The following PLB1 variants were observed in gnomAD, a reference collection of about 807,000 sequenced individuals.
PLB1 encodes phospholipase B1, membrane-associated.
A neutral mutation model predicts 227.4 loss-of-function variants in PLB1; 242 were observed. That is an observed-to-expected ratio of 1.06 (90% CI 0.96 to 1.18). The LOEUF (loss-of-function observed/expected upper bound fraction) is 1.18. Among genes scored for constraint, PLB1 ranks in the 50% most tolerant of loss-of-function variants. PLB1 has a pLI of 0.00. For synonymous variants in PLB1, 757 were observed against 682.2 expected (o/e 1.11, Z -1.71); for missense variants, 1,858 against 1,816.3 (o/e 1.02, Z -0.42).
chr2:28,620,374 T>C, intron 47 of PLB1, 42 bp downstream of exon 47: 2 of 1,531,410 alleles, frequency 1.3e-6, no homozygotes, highest in Non-Finnish European at 1.8e-6. Flanking sequence ...TGATGCTCTC[T>C]CAGAGAGGTG....
intron 20 of PLB1, among the ~76,000 whole-genome samples, chr2:28,569,503 G>T (rs1008765621): frequency 1.4e-4 from 21 of 151,968 alleles, no homozygotes; most frequent in African/African-American, 4.6e-4. Flanking sequence ...CAAAAGGGAG[G>T]GGAAATGAAA....
intron 44 of PLB1, among the ~76,000 whole-genome samples, chr2:28,614,969 G>GCATGGT (rs10636752): frequency 0.13 from 19,306 of 152,070 alleles, 1,452 homozygotes; most frequent in African/African-American, 0.21. Flanking sequence ...ACATGGCTAG[G>GCATGGT]CATGGTCATT....
chr2:28,543,131 G>A lies in PLB1; in HGVS notation c.880-81G>A. Reference sequence around the variant, plus strand: ...ATCAGGCTGCCCCAACTCTATGCCAGAGAGAGCTTCAAAGTGTGTAGCAGG... The same window carrying A: ...ATCAGGCTGCCCCAACTCTATGCCAAAGAGAGCTTCAAAGTGTGTAGCAGG... On this transcript the variant is annotated intron_variant, in intron 13 of 57. Coordinates refer to ENST00000327757, the MANE Select transcript of PLB1 (RefSeq NM_153021.5). 5 of 1,455,592 alleles carry A rather than the reference G, an allele frequency of 3.4e-6. No homozygotes were observed. In the Admixed American group the frequency reaches 9.9e-5, roughly 29 times the overall value. The allele number at this position is 1,455,592 out of a possible 1,614,324, so 90.2% of individuals were successfully genotyped here. A position where few individuals can be genotyped will look rare whatever the true frequency, so the allele number is the denominator to read the frequency against.
intron 22 of PLB1, among the ~76,000 whole-genome samples, chr2:28,578,976 T>C (rs1048971306): frequency 3.9e-5 from 6 of 152,140 alleles, no homozygotes; most frequent in African/African-American, 9.7e-5. Context: ...GGCCATAGTT[T>C]ATGGAATGTG....
At chr2:28,548,400 A>G (rs1673631148) in intron 14 of PLB1, 2 of 318,138 alleles carry the variant, frequency 6.3e-6, no homozygotes, top group Admixed American at 7.3e-5. Context: ...CAAGGAGGGG[A>G]CAAGAAGCCA....
intron 16 of PLB1, among the ~76,000 whole-genome samples, chr2:28,551,997 G>A (rs1278072524): frequency 1.3e-5 from 2 of 152,150 alleles, no homozygotes; most frequent in African/African-American, 4.8e-5. Context: ...GTGGATGGAT[G>A]GATACCAGGT....
At chr2:28,637,299 TAA>T (rs34972015) in intron 56 of PLB1, among the ~76,000 whole-genome samples, 19 of 131,132 alleles carry the variant, frequency 1.4e-4, no homozygotes, top group East Asian at 2.2e-4. Flanking sequence ...GTCTCAAATT[TAA>T]AAAAAAAAAA....
At chr2:28,615,999 C>T (rs1686149314) in intron 44 of PLB1, among the ~76,000 whole-genome samples, 1 of 152,204 alleles carries the variant, frequency 6.6e-6, no homozygotes, top group South Asian at 2.1e-4. Flanking sequence ...TACATGTTCT[C>T]ACCATATGCG....
intron 33 of PLB1, among the ~76,000 whole-genome samples, chr2:28,597,720 T>C (rs1196028031): frequency 1.3e-5 from 2 of 152,248 alleles, no homozygotes; most frequent in African/African-American, 4.8e-5. Flanking sequence ...TCACAGAATC[T>C]AGTGCATGTC....
intron 4 of PLB1, among the ~76,000 whole-genome samples, chr2:28,521,274 C>T (rs1669498877): frequency 6.6e-6 from 1 of 152,220 alleles, no homozygotes; most frequent in Non-Finnish European, 1.5e-5. Context: ...GCTTTCATTT[C>T]TTTTGGATAT....
chr2:28,548,712 C>T (rs72789777), intron 14 of PLB1, 148 bp from the exon 15 acceptor site: 179,307 of 737,306 alleles, frequency 0.24, 22,934 homozygotes, highest in Middle Eastern at 0.29. Flanking sequence ...GTCTCAGACT[C>T]AGTAGTTTGG....
chr2:28,593,196 C>A (rs1377431664), intron 32 of PLB1, among the ~76,000 whole-genome samples: 2 of 152,122 alleles, frequency 1.3e-5, no homozygotes, highest in Non-Finnish European at 2.9e-5. Flanking sequence ...CATCACTTTC[C>A]AGGAGCATGT....
intron 1 of PLB1, among the ~76,000 whole-genome samples, chr2:28,499,613 T>A (rs753465442): frequency 1.4e-4 from 21 of 151,670 alleles, no homozygotes; most frequent in Non-Finnish European, 2.4e-4. Context: ...AAGCTGGACG[T>A]GGTGGCTCAC....
intron 32 of PLB1, among the ~76,000 whole-genome samples, chr2:28,593,292 G>A (rs981777761): frequency 7.2e-5 from 11 of 152,174 alleles, no homozygotes; most frequent in South Asian, 2.1e-4. Flanking sequence ...CACTGCAGTC[G>A]CTTAAGCCAA....
At chr2:28,542,665 T>G (rs1278224317) in intron 13 of PLB1, among the ~76,000 whole-genome samples, 1 of 152,144 alleles carries the variant, frequency 6.6e-6, no homozygotes, top group Admixed American at 6.5e-5. Context: ...GGAATCTCAG[T>G]TGCCCTTGCC....
chr2:28,525,975 A>G, intron 6 of PLB1, 30 bp downstream of exon 6: 2 of 1,613,670 alleles, frequency 1.2e-6, no homozygotes, highest in Non-Finnish European at 1.7e-6. Flanking sequence ...GCCAGATTTC[A>G]GAGTGCCCCT....
At chr2:28,579,039 C>T (rs1679475419) in intron 22 of PLB1, among the ~76,000 whole-genome samples, 1 of 152,186 alleles carries the variant, frequency 6.6e-6, no homozygotes, top group South Asian at 2.1e-4. Flanking sequence ...TTTTCCAGGT[C>T]CTCTTTGGAG....
At position 28,628,676 on chromosome 2, in the gene PLB1, G is replaced by C. The variant is rs755794162; in HGVS notation, c.3726+48G>C. ...CTGGGTCCCGCCAGCCACCTCCCTG[G>C]GATGCATGTAGGCAGGCTGTGTTCA... is the stretch of plus-strand genomic sequence containing the variant. On this transcript the variant is annotated intron_variant, in intron 52 of 57. Coordinates refer to ENST00000327757, the MANE Select transcript of PLB1 (RefSeq NM_153021.5). 15 of 1,568,048 alleles carry C rather than the reference G, an allele frequency of 9.6e-6. No individual in the cohort carries two copies. The East Asian group carries it at 3.1e-4, about 33-fold the overall frequency.
intron 1 of PLB1, among the ~76,000 whole-genome samples, chr2:28,498,497 G>A (rs532148475): frequency 1.5e-4 from 23 of 152,318 alleles, no homozygotes; most frequent in African/African-American, 5.3e-4. Flanking sequence ...CTGGGCTCAA[G>A]CAATCCTCCT....
Sources: gnomAD v4.1 joint callset for allele counts (sites outside exome capture counted in the v4.1 genomes callset) on GRCh38, gnomAD v4.1.1 for gene constraint, MANE v1.5 for transcripts, NCBI Gene and HGNC (gene_info 2026-07-23, HGNC 2026-07-21) for gene names.